The following ETV6 variants were observed in gnomAD, a reference collection of about 807,000 sequenced individuals.
The protein encoded by ETV6 is transcription factor ETV6.
In ETV6, 16 loss-of-function variants were observed where a neutral mutation model predicts 51.1. The ratio of observed to expected loss-of-function variants is 0.31; its 90% confidence interval spans 0.21 to 0.48. The LOEUF (loss-of-function observed/expected upper bound fraction) is 0.48. Ranked by LOEUF, ETV6 falls within the 20% of genes least tolerant of loss-of-function variation. The pLI is 0.99. For synonymous variants in ETV6, 240 were observed against 224.1 expected (o/e 1.07, Z -0.64); for missense variants, 458 against 594.8 (o/e 0.77, Z 2.39).
intron 5 of ETV6, 39 bp downstream of exon 5, chr12:11,870,008 G>A (rs1357784467): frequency 1.9e-6 from 3 of 1,560,512 alleles, no homozygotes; most frequent in South Asian, 1.2e-5. Flanking sequence ...GCATCATGGG[G>A]ACCTGACAAA....
chr12:11,729,511 C>T (rs1037571697), intron 1 of ETV6, among the ~76,000 whole-genome samples: 4 of 152,158 alleles, frequency 2.6e-5, no homozygotes, highest in African/African-American at 9.7e-5. Context: ...CCTAAGTCAA[C>T]TACTTAATAA....
intron 2 of ETV6, among the ~76,000 whole-genome samples, chr12:11,807,075 C>G (rs969587098): frequency 1.3e-5 from 2 of 152,226 alleles, no homozygotes; most frequent in African/African-American, 4.8e-5. Flanking sequence ...CAGACAGATT[C>G]TGAGGGTCAC....
Position 11,893,759 on chromosome 12 carries a change from T to C in ETV6, c.*2713T>C. Reference sequence around the variant, plus strand: ...ATATGAGCCATAAATGAATTTTGTGTTTAGACTTTGTGTCCATCCCCAAGA... The same window carrying C: ...ATATGAGCCATAAATGAATTTTGTGCTTAGACTTTGTGTCCATCCCCAAGA... On this transcript the variant is annotated 3_prime_UTR_variant, in exon 8 of 8. Coordinates refer to ENST00000396373, the MANE Select transcript of ETV6 (RefSeq NM_001987.5). 1 of 183,338 alleles carries C rather than the reference T, an allele frequency of 5.5e-6. No homozygotes were observed. The highest frequency in any genetic ancestry group is 1.1e-5 in the Non-Finnish European group (1 of 90,308). 11.4% of individuals were successfully genotyped at this position (183,338 alleles called of 1,614,324 possible). A position where few individuals can be genotyped will look rare whatever the true frequency, so the allele number is the denominator to read the frequency against.
intron 1 of ETV6, among the ~76,000 whole-genome samples, chr12:11,691,399 C>G (rs889923636): frequency 3.3e-5 from 5 of 152,190 alleles, no homozygotes; most frequent in Admixed American, 6.5e-5. Flanking sequence ...CCCTTCTTTT[C>G]TCTACCCAAG....
At chr12:11,885,901 C>G (rs1232244397) in intron 6 of ETV6, 25 bp from the exon 7 acceptor site, 1 of 1,553,896 alleles carries the variant, frequency 6.4e-7, no homozygotes, top group Non-Finnish European at 8.8e-7. Flanking sequence ...TGCTTTTTTT[C>G]TCCCTTCCTC....
chr12:11,808,551 A>G (rs1310268434), intron 2 of ETV6, among the ~76,000 whole-genome samples: 1 of 152,250 alleles, frequency 6.6e-6, no homozygotes, highest in African/African-American at 2.4e-5. Context: ...CAAGTAATCT[A>G]GAGATGATTT....
chr12:11,654,819 G>T (rs1246802178), intron 1 of ETV6, among the ~76,000 whole-genome samples: 2 of 152,190 alleles, frequency 1.3e-5, no homozygotes, highest in Non-Finnish European at 2.9e-5. Context: ...GAATCCTTGG[G>T]TGGGCCGTAG....
chr12:11,890,565 C>T (rs900315311), intron 7 of ETV6, among the ~76,000 whole-genome samples: 5 of 151,160 alleles, frequency 3.3e-5, no homozygotes, highest in African/African-American at 1.2e-4. Flanking sequence ...GTAGCTAGGA[C>T]TACAGGTGCA....
Position 11,744,909 on chromosome 12 carries a change from G to GA in ETV6, c.34-7529dup, listed in dbSNP as rs35026437. Among the ~76,000 whole-genome samples the GA allele has an allele frequency of 6.3e-3, 796 of 125,500 alleles. 6 individuals are homozygous for GA. The highest frequency in any genetic ancestry group is 0.02 in the African/African-American group (716 of 36,092). 82.3% of individuals were successfully genotyped at this position (125,500 alleles called of 152,430 possible). Reference sequence around the variant, plus strand: ...GTTAGAAATATCTAAGGAAATTCAGGAAAAAAAAAAAAGAGAGAATTTCAT... The same window carrying GA: ...GTTAGAAATATCTAAGGAAATTCAGGAAAAAAAAAAAAAGAGAGAATTTCAT... On this transcript the variant is annotated intron_variant, in intron 1 of 7. Coordinates refer to ENST00000396373, the MANE Select transcript of ETV6 (RefSeq NM_001987.5).
intron 2 of ETV6, among the ~76,000 whole-genome samples, chr12:11,822,357 G>A (rs1330999506): frequency 6.6e-6 from 1 of 152,236 alleles, no homozygotes; most frequent in Admixed American, 6.5e-5. Flanking sequence ...ATGTCAGGAA[G>A]TTTTTGTTAA....
chr12:11,777,127 C>T (rs1462489557), intron 2 of ETV6, among the ~76,000 whole-genome samples: 5 of 150,982 alleles, frequency 3.3e-5, no homozygotes, highest in South Asian at 4.2e-4. Context: ...GTAGTCCCAG[C>T]TACTCGGGAG....
chr12:11,867,263 C>T (rs111806840), intron 4 of ETV6, among the ~76,000 whole-genome samples: 1 of 152,180 alleles, frequency 6.6e-6, no homozygotes, highest in African/African-American at 2.4e-5. Flanking sequence ...TAAGTGGTGG[C>T]AGATCATAAA....
chr12:11,872,069 T>G (rs1292245723), intron 5 of ETV6, among the ~76,000 whole-genome samples: 1 of 152,232 alleles, frequency 6.6e-6, no homozygotes, highest in Non-Finnish European at 1.5e-5. Flanking sequence ...TGTGCAGCAG[T>G]ACTTGACATT....
intron 2 of ETV6, among the ~76,000 whole-genome samples, chr12:11,758,068 A>T (rs543949951): frequency 6.6e-6 from 1 of 152,276 alleles, no homozygotes; most frequent in East Asian, 1.9e-4. Context: ...GCATTTTGCT[A>T]GGGGTGCCCT....
At chr12:11,805,400 C>G (rs1165389492) in intron 2 of ETV6, among the ~76,000 whole-genome samples, 2 of 152,110 alleles carry the variant, frequency 1.3e-5, no homozygotes, top group African/African-American at 2.4e-5. Flanking sequence ...ATTCCTCTAT[C>G]TGGTTTAGTG....
intron 1 of ETV6, among the ~76,000 whole-genome samples, chr12:11,667,935 C>T (rs1246374435): frequency 2.6e-5 from 4 of 151,702 alleles, no homozygotes; most frequent in Non-Finnish European, 5.9e-5. Context: ...CTCCTGACCT[C>T]GCGATCCACC....
intron 1 of ETV6, among the ~76,000 whole-genome samples, chr12:11,740,127 AGTAC>A (rs1865782767): frequency 6.6e-6 from 1 of 152,268 alleles, no homozygotes; most frequent in Non-Finnish European, 1.5e-5. Context: ...ATTCGTGCGT[AGTAC>A]GAATTTGTGC....
At chr12:11,684,220 A>G (rs1046354480) in intron 1 of ETV6, among the ~76,000 whole-genome samples, 4 of 152,270 alleles carry the variant, frequency 2.6e-5, no homozygotes, top group African/African-American at 7.2e-5. Context: ...TAAATGATAA[A>G]GTGGCAGATA....
At position 11,869,195 on chromosome 12, in the gene ETV6, C is replaced by T. The variant is rs1456270608; in HGVS notation, c.464-229C>T. On this transcript the variant is annotated intron_variant, in intron 4 of 7. Coordinates refer to ENST00000396373, the MANE Select transcript of ETV6 (RefSeq NM_001987.5). This position sits in a 1 kb window ranked among gnomAD's most constrained non-coding sequence, Gnocchi z 5.0. ...AGCTTGCAGTGAGCCGAGATCGTGC[C>T]ACTGCACTCCAGCCTGGGCAACAGA... Among the ~76,000 whole-genome samples the T allele has an allele frequency of 6.6e-6, 1 of 151,062 alleles. No homozygotes were observed. The highest frequency in any genetic ancestry group is 1.9e-4 in the East Asian group (1 of 5,170).
Sources: gnomAD v4.1 joint callset for allele counts (sites outside exome capture counted in the v4.1 genomes callset) on GRCh38, gnomAD v4.1.1 for gene constraint, Gnocchi (gnomAD v3.1) non-coding constraint, MANE v1.5 for transcripts, NCBI Gene and HGNC (gene_info 2026-07-23, HGNC 2026-07-21) for gene names.